The following PIK3C2G variants were observed in gnomAD, a reference collection of about 807,000 sequenced individuals.
PIK3C2G encodes the protein phosphatidylinositol 3-kinase C2 domain-containing subunit gamma.
A neutral mutation model predicts 181.1 loss-of-function variants in PIK3C2G; 168 were observed. That is an observed-to-expected ratio of 0.93 (90% CI 0.82 to 1.05). The LOEUF is 1.05. Among genes scored for constraint, PIK3C2G ranks in the 50% least tolerant of loss-of-function variants. PIK3C2G has a pLI of 0.00. For synonymous variants in PIK3C2G, 573 were observed against 592.2 expected (o/e 0.97, Z 0.47); for missense variants, 1,869 against 1,732.8 (o/e 1.08, Z -1.40).
intron 24 of PIK3C2G, among the ~76,000 whole-genome samples, chr12:18,528,869 C>A (rs1273493644): frequency 1.3e-5 from 2 of 152,236 alleles, no homozygotes; most frequent in African/African-American, 4.8e-5. Context: ...AGGAAATGGT[C>A]AAAAATACCC....
intron 29 of PIK3C2G, among the ~76,000 whole-genome samples, chr12:18,593,091 G>A (rs1947171162): frequency 1.3e-5 from 2 of 151,796 alleles, no homozygotes; most frequent in Admixed American, 1.3e-4. Flanking sequence ...TCTTCACCTT[G>A]TCTTCCTTCT....
At chr12:18,399,261 TA>T (rs534592611) in intron 15 of PIK3C2G, among the ~76,000 whole-genome samples, 1 of 141,996 alleles carries the variant, frequency 7.0e-6, no homozygotes, top group African/African-American at 2.6e-5. Context: ...TTATAAAAAA[TA>T]AAAAAAATAA....
chr12:18,718,922 A>G, the PIK3C2G span, among the ~76,000 whole-genome samples: 1 of 152,208 alleles, frequency 6.6e-6, no homozygotes, highest in African/African-American at 2.4e-5. Context: ...TCAGCAATGC[A>G]ATGTGGATTA....
At chr12:18,287,194 T>A (rs768886143) in intron 3 of PIK3C2G, among the ~76,000 whole-genome samples, 8 of 152,162 alleles carry the variant, frequency 5.3e-5, no homozygotes, top group Admixed American at 2.6e-4. Context: ...CACTTGTTTG[T>A]TGGTGGTTTG....
downstream of PIK3C2G, among the ~76,000 whole-genome samples, chr12:18,650,720 A>C (rs1354070700): frequency 0.013 from 139 of 10,474 alleles, 2 homozygotes; most frequent in East Asian, 0.12. Context: ...ATCTATATAT[A>C]TATATATATA....
chr12:18,674,296 G>A, the PIK3C2G span, among the ~76,000 whole-genome samples: 4 of 152,100 alleles, frequency 2.6e-5, no homozygotes, highest in African/African-American at 9.7e-5. Flanking sequence ...CTCATTTCCT[G>A]AATTTACTCT....
At chr12:18,376,417 C>A (rs985816332) in intron 13 of PIK3C2G, among the ~76,000 whole-genome samples, 2 of 152,268 alleles carry the variant, frequency 1.3e-5, no homozygotes, top group African/African-American at 4.8e-5. Context: ...ATTTCTGTAC[C>A]CTCATTTTAT....
intron 8 of PIK3C2G, among the ~76,000 whole-genome samples, chr12:18,336,889 C>G (rs1938591806): frequency 6.6e-6 from 1 of 151,936 alleles, no homozygotes; most frequent in East Asian, 1.9e-4. Flanking sequence ...GCTATTTTTC[C>G]ACAAAAGAAG....
intron 30 of PIK3C2G, 96 bp downstream of exon 30, chr12:18,594,665 T>C: frequency 3.3e-6 from 2 of 610,330 alleles, no homozygotes; most frequent in Non-Finnish European, 5.5e-6. Flanking sequence ...TCAATTAAAA[T>C]CTCTTTTTAA....
intron 18 of PIK3C2G, among the ~76,000 whole-genome samples, chr12:18,441,347 GA>G (rs2135825664): frequency 6.6e-6 from 1 of 152,302 alleles, no homozygotes; most frequent in East Asian, 1.9e-4. Flanking sequence ...AGGGAAGAGA[GA>G]AATGTGGTAA....
intron 22 of PIK3C2G, among the ~76,000 whole-genome samples, chr12:18,501,699 A>G (rs978126485): frequency 2.0e-5 from 3 of 152,244 alleles, no homozygotes; most frequent in Non-Finnish European, 4.4e-5. Flanking sequence ...AGCAGAATTT[A>G]GCCACCATGA....
rs1376889034 is a variant in PIK3C2G at position 18,314,014 on chromosome 12, C to T, written c.1087C>T (p.Gln363Ter). The T allele has an allele frequency of 5.7e-6, 9 of 1,591,146 alleles. No individual in the cohort carries two copies. The highest frequency in any genetic ancestry group is 1.7e-4 in the Middle Eastern group (1 of 6,036). Residue 363 changes from glutamine (Q) to a stop codon, truncating the protein, a stop_gained, in exon 6 of 33, where the codon CAG (glutamine) becomes TAG (stop). Transcript: ENST00000538779. LOFTEE classifies it high-confidence loss of function. ...KMFQKDKSVI[Q>*]LHLQKSREAP... is the part of the protein sequence containing the mutation. ...GTTTCAAAAAGATAAATCTGTTATT[C>T]AGCTCCACCTGCAGAAAAGTAGGGA...
In PIK3C2G at chr12:18,634,753, G is replaced by A. The variant is rs1181284952; in HGVS notation, c.4183-5676G>A. On this transcript the variant is annotated intron_variant, in intron 31 of 32. Transcript: ENST00000538779. The stretch of plus-strand genomic sequence containing the variant: ...CCCACTGGGCAATGACAGGGTGACA[G>A]GGGAAAGAGGCTAATGAGTATCCAC... 2.6e-5 allele frequency among the ~76,000 whole-genome samples: 4 copies of A among 152,134 alleles called. No individual in the cohort carries two copies. In the East Asian group the frequency reaches 7.7e-4, roughly 29 times the overall value.
intron 30 of PIK3C2G, among the ~76,000 whole-genome samples, chr12:18,595,320 G>T (rs1173801200): frequency 6.6e-6 from 1 of 152,058 alleles, no homozygotes; most frequent in East Asian, 1.9e-4. Flanking sequence ...GAAAATAGGT[G>T]TATGTTGTTA....
At chr12:18,681,806 C>G in the PIK3C2G span, among the ~76,000 whole-genome samples, 1 of 151,988 alleles carries the variant, frequency 6.6e-6, no homozygotes, top group Non-Finnish European at 1.5e-5. Context: ...CTTTTTCTCT[C>G]TCATTTCAAA....
rs1333106646 is a variant in PIK3C2G at position 18,538,051 on chromosome 12, A to C, written c.3324-105A>C. The C allele has an allele frequency of 5.3e-6, 6 of 1,128,688 alleles. No homozygotes were observed. The East Asian group carries it at 1.5e-4, about 28-fold the overall frequency. 69.9% of individuals were successfully genotyped at this position (1,128,688 alleles called of 1,614,324 possible). On this transcript the variant is annotated intron_variant, in intron 24 of 32. Coordinates refer to ENST00000538779, the MANE Select transcript of PIK3C2G (RefSeq NM_001288772.2). Reference sequence around the variant, plus strand: ...GGAAATTTATCTATTACAGTAGAGAAAAAAAAAAGAAAATTCAAATGAAAA... The same window carrying C: ...GGAAATTTATCTATTACAGTAGAGACAAAAAAAAGAAAATTCAAATGAAAA...
intron 1 of PIK3C2G, among the ~76,000 whole-genome samples, chr12:18,275,246 TA>T (rs1948933483): frequency 6.6e-6 from 1 of 152,084 alleles, no homozygotes; most frequent in South Asian, 2.1e-4. Flanking sequence ...CAAAAGATTG[TA>T]AGACTACGTT....
chr12:18,719,578 C>T, the PIK3C2G span: 38 of 1,605,886 alleles, frequency 2.4e-5, no homozygotes, highest in Middle Eastern at 1.7e-4. Context: ...TAGACATTCA[C>T]GTGAATCCAT....
intron 5 of PIK3C2G, among the ~76,000 whole-genome samples, chr12:18,296,311 G>A (rs1441076779): frequency 6.6e-6 from 1 of 152,056 alleles, no homozygotes; most frequent in African/African-American, 2.4e-5. Flanking sequence ...TGTCACCTGA[G>A]GATGTTGTTA....
Sources: allele counts gnomAD v4.1 joint callset (sites outside exome capture counted in the v4.1 genomes callset), GRCh38; gene constraint gnomAD v4.1.1; transcripts MANE v1.5; gene names NCBI Gene and HGNC (gene_info 2026-07-23, HGNC 2026-07-21).